Variants in MLLT10 observed in about 807,000 individuals in gnomAD.
MLLT10 encodes MLLT10 histone lysine methyltransferase DOT1L cofactor, also known as protein AF-10.
A neutral mutation model predicts 129.1 loss-of-function variants in MLLT10; 30 were observed. The observed-to-expected ratio is 0.23, with a 90% CI of 0.17 to 0.32. The LOEUF is 0.32. Ranked by LOEUF, MLLT10 falls within the 10% of genes least tolerant of loss-of-function variation. MLLT10 has a pLI of 1.00. For missense variants in MLLT10, 1,119 were observed against 1,268.3 expected (o/e 0.88, Z 1.79); for synonymous variants, 490 against 446.4 (o/e 1.10, Z -1.23).
rs769348094 is a variant in MLLT10, at chr10:21,534,665, C to T, written c.21C>T (p.Pro7=). 3.7e-6 allele frequency: 6 copies of T among 1,611,286 alleles called. 1 individual carries two copies. The East Asian group carries it at 1.3e-4, about 36-fold the overall frequency. The change falls in exon 2 of 23, where the codon CCC becomes CCT. Residue 7 remains proline (P), a synonymous_variant. Coordinates refer to ENST00000307729, the MANE Select transcript of MLLT10 (RefSeq NM_001195626.3). The part of the protein sequence containing the change: MVSSDR[P]VSLEDEVSHS... ...CTTAGATGGTCTCTAGCGACCGGCC[C>T]GTGTCACTGGAGGACGAGGTCTCCC...
chr10:21,680,037 T>G (rs1435665638), intron 11 of MLLT10, among the ~76,000 whole-genome samples: 1 of 152,100 alleles, frequency 6.6e-6, no homozygotes, highest in African/African-American at 2.4e-5. Context: ...TATCAATTAT[T>G]TTTCCCTCAG....
At chr10:21,709,591 G>C (rs1030667952) in intron 13 of MLLT10, among the ~76,000 whole-genome samples, 1 of 152,106 alleles carries the variant, frequency 6.6e-6, no homozygotes, top group Non-Finnish European at 1.5e-5. Context: ...CTCAATATTT[G>C]TTGAATTATC....
chr10:21,667,774 C>G (rs1297282507), intron 9 of MLLT10, among the ~76,000 whole-genome samples: 1 of 152,104 alleles, frequency 6.6e-6, no homozygotes, highest in African/African-American at 2.4e-5. Context: ...ATAATCATAG[C>G]TGCTGTTTCT....
Position 21,705,339 on chromosome 10 carries a change from C to A in MLLT10, c.1700-8433C>A, listed in dbSNP as rs146635275. ...TTCAGGTGCTAATGATGTTGGATTG[C>A]GCTGGGCAGTCCCCTGTACTCCAGA... On this transcript the variant is annotated intron_variant, in intron 13 of 22. Coordinates refer to ENST00000307729, the MANE Select transcript of MLLT10 (RefSeq NM_001195626.3). Among the ~76,000 whole-genome samples the A allele has an allele frequency of 2.0e-5, 3 of 152,138 alleles. No individual in the cohort carries two copies. In the South Asian group the frequency reaches 6.2e-4, roughly 31 times the overall value.
intron 3 of MLLT10, 25 bp downstream of exon 3, chr10:21,538,937 T>G (rs1391094080): frequency 6.5e-7 from 1 of 1,549,658 alleles, no homozygotes; most frequent in South Asian, 1.1e-5. Context: ...TCAAAAACAT[T>G]AAACTTTAGT....
At chr10:21,548,066 C>G (rs1280052967) in intron 3 of MLLT10, among the ~76,000 whole-genome samples, 1 of 151,954 alleles carries the variant, frequency 6.6e-6, no homozygotes, top group Admixed American at 6.6e-5. Flanking sequence ...TTATTTTGCT[C>G]TCTTGGAAGC....
At position 21,673,761 on chromosome 10, in the gene MLLT10, A is replaced by G. The variant is rs377549171; in HGVS notation, c.1463A>G (p.Glu488Gly). Reference protein sequence around the residue: ...PGRPKGNKNQENVSHLSVSSA... With the variant: ...PGRPKGNKNQGNVSHLSVSSA... ...AGACCCAAAGGAAACAAAAATCAAG[A>G]GAATGTTTCTCATCTCTCAGTTTCT... The change falls in exon 11 of 23, where the codon GAG becomes GGG. Residue 488 changes from glutamate (E) to glycine (G), a missense_variant. Physicochemically the swap from Glu to Gly is moderately conservative, Grantham distance 98. Around this residue, in one of 5 missense-constraint regions of MLLT10, gnomAD observed 1,004 missense variants for 1,008.7 expected, o/e 1.00. Transcript: ENST00000307729. 1.2e-6 allele frequency: 2 copies of G among 1,614,170 alleles called. No homozygotes were observed. The highest frequency in any genetic ancestry group is 2.2e-5 in the East Asian group (1 of 44,882).
chr10:21,739,739 A>G (rs898202318), intron 21 of MLLT10, among the ~76,000 whole-genome samples: 1 of 152,194 alleles, frequency 6.6e-6, no homozygotes, highest in African/African-American at 2.4e-5. Context: ...ATGCATTCAA[A>G]TGTCCACCTT....
Position 21,742,067 on chromosome 10 carries a change from T to C in MLLT10, c.*84T>C. Reference sequence around the variant, plus strand: ...CTTTGCAGTCCTTTTACTACAGCTATGAAGAAACGCAACAAGAAACTCAAT... The same window carrying C: ...CTTTGCAGTCCTTTTACTACAGCTACGAAGAAACGCAACAAGAAACTCAAT... On this transcript the variant is annotated 3_prime_UTR_variant, in exon 23 of 23. Coordinates refer to ENST00000307729, the MANE Select transcript of MLLT10 (RefSeq NM_001195626.3). 3.2e-6 allele frequency: 4 copies of C among 1,231,974 alleles called. No individual in the cohort carries two copies. Among genetic ancestry groups the C allele is most frequent in the East Asian group, 2.4e-5 (1 of 42,418 alleles). 76.3% of individuals were successfully genotyped at this position (1,231,974 alleles called of 1,614,324 possible).
At chr10:21,727,071 G>A (rs2057573195) in intron 15 of MLLT10, among the ~76,000 whole-genome samples, 1 of 152,058 alleles carries the variant, frequency 6.6e-6, no homozygotes, top group African/African-American at 2.4e-5. Flanking sequence ...TGCCTGTTTG[G>A]GGGAAGGGAA....
intron 3 of MLLT10, among the ~76,000 whole-genome samples, chr10:21,583,855 CT>C (rs756240695): frequency 1.4e-4 from 21 of 152,042 alleles, no homozygotes; most frequent in Non-Finnish European, 2.6e-4. Flanking sequence ...AATATCCAAA[CT>C]TTATCAATAG....
intron 17 of MLLT10, among the ~76,000 whole-genome samples, chr10:21,731,810 A>G (rs1369269462): frequency 1.3e-5 from 2 of 152,178 alleles, no homozygotes. Flanking sequence ...GCCTTGTCTT[A>G]ATTTTAGGGA....
intron 2 of MLLT10, among the ~76,000 whole-genome samples, chr10:21,536,189 C>T (rs1253533041): frequency 1.3e-5 from 2 of 152,214 alleles, no homozygotes; most frequent in Non-Finnish European, 2.9e-5. Flanking sequence ...GATCCTCTTG[C>T]CTCGGCCTCC....
intron 22 of MLLT10, among the ~76,000 whole-genome samples, chr10:21,740,532 T>C (rs1431083080): frequency 6.6e-6 from 1 of 152,238 alleles, no homozygotes; most frequent in African/African-American, 2.4e-5. Context: ...TGGTGCTTTC[T>C]GAGAAGCTTT....
At chr10:21,701,408 T>C (rs894496441) in intron 13 of MLLT10, among the ~76,000 whole-genome samples, 1 of 151,996 alleles carries the variant, frequency 6.6e-6, no homozygotes, top group Non-Finnish European at 1.5e-5. Flanking sequence ...CATCATTAGA[T>C]TGTTTATTTG....
At chr10:21,646,552 A>C (rs909310432) in intron 8 of MLLT10, among the ~76,000 whole-genome samples, 1 of 151,706 alleles carries the variant, frequency 6.6e-6, no homozygotes, top group Non-Finnish European at 1.5e-5. Context: ...TGTTTAAGCC[A>C]TACCTTTCTG....
intron 9 of MLLT10, among the ~76,000 whole-genome samples, chr10:21,664,944 C>CT (rs146373535): frequency 0.03 from 3,579 of 119,320 alleles, 83 homozygotes; most frequent in South Asian, 0.043. Flanking sequence ...TTTTTCTTTT[C>CT]TTTTTTTTTT....
chr10:21,580,898 G>A (rs2041364589), intron 3 of MLLT10, among the ~76,000 whole-genome samples: 1 of 124,702 alleles, frequency 8.0e-6, no homozygotes, highest in African/African-American at 3.1e-5. Context: ...TTTTTTAGTA[G>A]AGACGGAGTT....
At chr10:21,674,234 A>G (rs905837013) in intron 11 of MLLT10, among the ~76,000 whole-genome samples, 11 of 151,648 alleles carry the variant, frequency 7.3e-5, no homozygotes, top group African/African-American at 2.7e-4. Context: ...TTTCACCTGC[A>G]CAGTATTTTT....
Sources: gnomAD v4.1 joint callset for allele counts (sites outside exome capture counted in the v4.1 genomes callset) on GRCh38, gnomAD v4.1.1 for gene constraint, gnomAD v4.1.1 regional missense constraint, MANE v1.5 for transcripts, NCBI Gene and HGNC (gene_info 2026-07-23, HGNC 2026-07-21) for gene names.